The following CSTPP1 variants were observed in gnomAD, a reference collection of about 807,000 sequenced individuals.
The protein encoded by CSTPP1 is UPF0705 protein C11orf49.
At chr11:47,108,729 TGGA>T in the CSTPP1 span, among the ~76,000 whole-genome samples, 1 of 126,620 alleles carries the variant, frequency 7.9e-6, no homozygotes, top group Non-Finnish European at 1.6e-5. Flanking sequence ...TTTTTTGAGA[TGGA>T]GTCTCACTGC....
At chr11:47,062,421 A>G in the CSTPP1 span, among the ~76,000 whole-genome samples, 1 of 152,172 alleles carries the variant, frequency 6.6e-6, no homozygotes, top group African/African-American at 2.4e-5. Flanking sequence ...TCTGCTTTAC[A>G]CTAACTTTTC....
the CSTPP1 span, among the ~76,000 whole-genome samples, chr11:47,005,005 G>A: frequency 6.6e-6 from 1 of 152,188 alleles, no homozygotes; most frequent in Admixed American, 6.5e-5. Context: ...CAGCTTACAT[G>A]TGTGGGGATA....
chr11:47,011,150 C>T, the CSTPP1 span, among the ~76,000 whole-genome samples: 3 of 152,092 alleles, frequency 2.0e-5, no homozygotes, highest in Admixed American at 6.6e-5. Flanking sequence ...TTATCACCCA[C>T]GGTTTTTCCA....
chr11:47,161,259 T>A, the CSTPP1 span: 6 of 1,612,544 alleles, frequency 3.7e-6, no homozygotes, highest in South Asian at 6.6e-5. Context: ...CTGTGCCCCA[T>A]CTGGGGCCAA....
chr11:47,011,398 T>C, the CSTPP1 span, among the ~76,000 whole-genome samples: 2 of 152,226 alleles, frequency 1.3e-5, no homozygotes, highest in Admixed American at 6.5e-5. Flanking sequence ...TTTGCTCTTG[T>C]TGAGTTTTGA....
chr11:47,028,934 C>T, the CSTPP1 span, among the ~76,000 whole-genome samples: 5 of 152,024 alleles, frequency 3.3e-5, no homozygotes, highest in South Asian at 1.0e-3. Context: ...CCCTCCCGGG[C>T]TCAAGCCGTC....
the CSTPP1 span, among the ~76,000 whole-genome samples, chr11:46,960,969 C>T: frequency 6.6e-6 from 1 of 152,112 alleles, no homozygotes; most frequent in African/African-American, 2.4e-5. Flanking sequence ...TTTATTCATT[C>T]ATCACTTGAT....
the CSTPP1 span, among the ~76,000 whole-genome samples, chr11:47,104,884 A>G: frequency 6.6e-6 from 1 of 152,328 alleles, no homozygotes; most frequent in Admixed American, 6.5e-5. Context: ...TCTTGTGTTC[A>G]GTTTACATCT....
the CSTPP1 span, among the ~76,000 whole-genome samples, chr11:47,066,759 TC>T: frequency 6.6e-6 from 1 of 152,242 alleles, no homozygotes; most frequent in Non-Finnish European, 1.5e-5. Flanking sequence ...AAATATCTAT[TC>T]CCTTATTTAA....
the CSTPP1 span, among the ~76,000 whole-genome samples, chr11:46,971,988 T>C: frequency 6.6e-6 from 1 of 152,178 alleles, no homozygotes; most frequent in Non-Finnish European, 1.5e-5. Flanking sequence ...TGCCATCAGC[T>C]TCATCCTTTT....
chr11:47,080,926 T>G, the CSTPP1 span, among the ~76,000 whole-genome samples: 1 of 151,602 alleles, frequency 6.6e-6, no homozygotes, highest in Admixed American at 6.6e-5. Context: ...GGAGGATCAC[T>G]TGAGCCTGGG....
the CSTPP1 span, among the ~76,000 whole-genome samples, chr11:47,146,191 C>T: frequency 6.6e-6 from 1 of 151,956 alleles, no homozygotes; most frequent in Non-Finnish European, 1.5e-5. Context: ...AGTGAAACCT[C>T]CTCTCTACTA....
chr11:47,161,009 A>G, the CSTPP1 span: 16 of 1,319,608 alleles, frequency 1.2e-5, no homozygotes, highest in Non-Finnish European at 1.6e-5. Context: ...TCAGATCTTT[A>G]GATCGGCCCT....
the CSTPP1 span, among the ~76,000 whole-genome samples, chr11:46,991,069 T>A: frequency 6.6e-6 from 1 of 152,216 alleles, no homozygotes; most frequent in African/African-American, 2.4e-5. Flanking sequence ...ATCACATATT[T>A]ATATAATCGT....
the CSTPP1 span, among the ~76,000 whole-genome samples, chr11:47,039,284 C>G: frequency 1.6e-4 from 20 of 128,012 alleles, 6 homozygotes; most frequent in Admixed American, 9.1e-4. Flanking sequence ...GCGGATCACT[C>G]GCGGTTAGGA....
At chr11:47,020,878 T>C in the CSTPP1 span, among the ~76,000 whole-genome samples, 1 of 152,196 alleles carries the variant, frequency 6.6e-6, no homozygotes, top group Admixed American at 6.5e-5. Flanking sequence ...GGAGGAGATA[T>C]ATAGTTTTCA....
At chr11:47,155,085 C>A in the CSTPP1 span, 2 of 1,022,840 alleles carry the variant, frequency 2.0e-6, no homozygotes, top group South Asian at 2.6e-5. Context: ...CCCTCTCCCC[C>A]GCACTTTTCC....
the CSTPP1 span, among the ~76,000 whole-genome samples, chr11:47,163,173 T>TA: frequency 0.27 from 29,050 of 108,042 alleles, 4,088 homozygotes; most frequent in East Asian, 0.64. Context: ...GAGACCATCT[T>TA]AAAAAAAAAA....
chr11:46,974,096 G>A, the CSTPP1 span, among the ~76,000 whole-genome samples: 1 of 152,278 alleles, frequency 6.6e-6, no homozygotes, highest in East Asian at 1.9e-4. Flanking sequence ...ACTGGGTTTG[G>A]TGGTGCACAC....
Sources: gnomAD v4.1 joint callset for allele counts (sites outside exome capture counted in the v4.1 genomes callset) on GRCh38, gnomAD v4.1.1 for gene constraint, MANE v1.5 for transcripts, NCBI Gene and HGNC (gene_info 2026-07-23, HGNC 2026-07-21) for gene names.